Variants in DPY19L2 observed in about 807,000 individuals in gnomAD.
DPY19L2 encodes the protein dpy-19 like 2.
DPY19L2 carries 34 observed loss-of-function variants against 97.9 expected under a neutral mutation model. The observed-to-expected ratio is 0.35, with a 90% CI of 0.26 to 0.46. The LOEUF (loss-of-function observed/expected upper bound fraction) is 0.46. Among genes scored for constraint, DPY19L2 ranks in the 20% least tolerant of loss-of-function variants. DPY19L2 has a pLI of 1.00. For synonymous variants in DPY19L2, 230 were observed against 307.9 expected (o/e 0.75, Z 2.65); for missense variants, 623 against 911.4 (o/e 0.68, Z 4.07).
At chr12:63,628,285 A>G (rs1889925749) in intron 6 of DPY19L2, among the ~76,000 whole-genome samples, 1 of 152,208 alleles carries the variant, frequency 6.6e-6, no homozygotes. Context: ...TCACCCAGGA[A>G]GCGCAAGGGG....
chr12:63,619,998 C>T (rs1430665227), intron 9 of DPY19L2: 4 of 455,668 alleles, frequency 8.8e-6, no homozygotes, highest in South Asian at 1.6e-5. Flanking sequence ...AAACATGCAG[C>T]ACCAATTGAG....
At chr12:63,667,744 T>G (rs1896494145) in intron 1 of DPY19L2, among the ~76,000 whole-genome samples, 1 of 152,140 alleles carries the variant, frequency 6.6e-6, no homozygotes, top group Non-Finnish European at 1.5e-5. Context: ...ATTGCAAGAC[T>G]TGCTCCACTA....
intron 6 of DPY19L2, among the ~76,000 whole-genome samples, chr12:63,630,445 C>A (rs948532236): frequency 1.3e-5 from 2 of 151,858 alleles, no homozygotes; most frequent in Admixed American, 1.3e-4. Context: ...GACTTTAAAC[C>A]AACAAAGATC....
At chr12:63,604,414 ATTAC>A (rs1407123439) in intron 12 of DPY19L2, among the ~76,000 whole-genome samples, 1 of 152,082 alleles carries the variant, frequency 6.6e-6, no homozygotes, top group Non-Finnish European at 1.5e-5. Context: ...AGTTTTAGCA[ATTAC>A]TTCTTAAAAT....
At chr12:63,620,547 C>T (rs1888521559) in intron 9 of DPY19L2, among the ~76,000 whole-genome samples, 1 of 152,060 alleles carries the variant, frequency 6.6e-6, no homozygotes, top group African/African-American at 2.4e-5. Context: ...ATCTGTCAAA[C>T]TAACCAATAC....
At chr12:63,563,630 GTCTT>G (rs1261594194) in intron 21 of DPY19L2, among the ~76,000 whole-genome samples, 1 of 152,130 alleles carries the variant, frequency 6.6e-6, no homozygotes, top group Non-Finnish European at 1.5e-5. Context: ...ATTATGTATT[GTCTT>G]TCTTTAATAT....
At chr12:63,598,546 C>A (rs1276801130) in intron 13 of DPY19L2, among the ~76,000 whole-genome samples, 1 of 152,128 alleles carries the variant, frequency 6.6e-6, no homozygotes, top group East Asian at 1.9e-4. Flanking sequence ...ACAACCTGCT[C>A]TTGGTGAGAC....
At chr12:63,585,341 G>T (rs1485947359) in intron 16 of DPY19L2, among the ~76,000 whole-genome samples, 1 of 152,118 alleles carries the variant, frequency 6.6e-6, no homozygotes, top group Non-Finnish European at 1.5e-5. Flanking sequence ...AGACTCATAG[G>T]TTTTTTAAAA....
At chr12:63,618,096 TA>T in intron 10 of DPY19L2, 54 bp downstream of exon 10, 1 of 1,231,758 alleles carries the variant, frequency 8.1e-7, no homozygotes, top group Non-Finnish European at 1.1e-6. Context: ...ACTTCGATTT[TA>T]TAAACTCTGA....
At position 63,668,302 on chromosome 12, in the gene DPY19L2, G is replaced by A. The variant is rs199643909; in HGVS notation, c.92C>T (p.Pro31Leu). 2.5e-6 allele frequency: 4 copies of A among 1,613,746 alleles called. No individual in the cohort carries two copies. Among genetic ancestry groups the A allele is most frequent in the Non-Finnish European group, 1.7e-6 (2 of 1,179,918 alleles). The change falls in exon 1 of 22, where the codon CCG becomes CTG. Residue 31 changes from proline (P) to leucine (L), a missense_variant. Around this residue, in one of 6 missense-constraint regions of DPY19L2, gnomAD observed 144 missense variants for 119.4 expected, o/e 1.21. Transcript: ENST00000324472. ...GRRGASLARE[P>L]EVEEEMEKSA... is the part of the protein sequence containing the mutation. ...CTTTTCCATCTCCTCCTCTACCTCC[G>A]GCTCCCGGGCGAGGGAGGCCCCGCG...
chr12:63,605,442 C>T (rs35543391), intron 12 of DPY19L2, among the ~76,000 whole-genome samples: 2 of 152,130 alleles, frequency 1.3e-5, no homozygotes, highest in African/African-American at 4.8e-5. Flanking sequence ...TTTTTCTGTG[C>T]GTTCTGAGGT....
chr12:63,624,213 A>T (rs1369873201), intron 7 of DPY19L2, 82 bp from the exon 8 acceptor site: 3 of 1,010,142 alleles, frequency 3.0e-6, no homozygotes, highest in Non-Finnish European at 4.6e-6. Flanking sequence ...TTGTTTTAGT[A>T]ATTTTAATAC....
At chr12:63,625,754 C>T (rs571762042) in intron 7 of DPY19L2, among the ~76,000 whole-genome samples, 2 of 151,966 alleles carry the variant, frequency 1.3e-5, no homozygotes, top group Admixed American at 1.3e-4. Flanking sequence ...AGGCCTGAGG[C>T]CTCTTTCATT....
rs551277775 is a variant in DPY19L2 at position 63,663,768 on chromosome 12, C to A, written c.440G>T (p.Arg147Leu). The A allele has an allele frequency of 2.5e-6, 4 of 1,601,826 alleles. No individual in the cohort carries two copies. Among genetic ancestry groups the A allele is most frequent in the Non-Finnish European group, 3.4e-6 (4 of 1,176,848 alleles). ...LSSLEREMTF[R>L]TEMGLYYSYF... ...AAGAAGAAACCTAACCATTTCAGTG[C>A]GAAAAGTCATCTCCCGTTCCAAAGA... Residue 147 changes from arginine to leucine, a missense_variant, in exon 3 of 22, where the codon CGC (arginine) becomes CTC (leucine). Coordinates refer to ENST00000324472, the MANE Select transcript of DPY19L2 (RefSeq NM_173812.5).
chr12:63,581,479 C>CTTTTTTTTT (rs71086686), intron 18 of DPY19L2, among the ~76,000 whole-genome samples: 4 of 91,832 alleles, frequency 4.4e-5, no homozygotes, highest in Admixed American at 3.0e-4. Context: ...CCAGGAAACT[C>CTTTTTTTTT]TTTTTTTTTT....
intron 11 of DPY19L2, among the ~76,000 whole-genome samples, chr12:63,611,423 A>G (rs2137683962): frequency 6.6e-6 from 1 of 151,850 alleles, no homozygotes; most frequent in East Asian, 1.9e-4. Flanking sequence ...GCCTGCAAAC[A>G]CTTAAGAAAA....
At chr12:63,591,158 C>T (rs1023795310) in intron 16 of DPY19L2, 6 of 451,976 alleles carry the variant, frequency 1.3e-5, no homozygotes, top group Non-Finnish European at 2.7e-5. Flanking sequence ...TCTATTATCC[C>T]CTTTATTTTG....
At chr12:63,663,577 G>A (rs1340515589) in intron 3 of DPY19L2, among the ~76,000 whole-genome samples, 181 bp downstream of exon 3, 1 of 152,054 alleles carries the variant, frequency 6.6e-6, no homozygotes, top group East Asian at 1.9e-4. Flanking sequence ...GAAAGGGTGA[G>A]AGATAATGAA....
chr12:63,606,342 C>T (rs538882774), intron 12 of DPY19L2, among the ~76,000 whole-genome samples: 203 of 152,146 alleles, frequency 1.3e-3, no homozygotes, highest in Non-Finnish European at 2.1e-3. Context: ...ACAGAACACT[C>T]TAAATACCTT....
Sources: allele counts gnomAD v4.1 joint callset (sites outside exome capture counted in the v4.1 genomes callset), GRCh38; gene constraint gnomAD v4.1.1; regional missense constraint gnomAD v4.1.1; transcripts MANE v1.5; gene names NCBI Gene and HGNC (gene_info 2026-07-23, HGNC 2026-07-21).